Variants in LINC00305 observed in about 807,000 individuals in gnomAD.
The protein encoded by LINC00305 is long intergenic non-protein coding RNA 305.
intron 1 of LINC00305, among the ~76,000 whole-genome samples, chr18:64,124,117 C>G (rs978607015): frequency 1.3e-5 from 2 of 152,142 alleles, no homozygotes; most frequent in East Asian, 3.9e-4. Flanking sequence ...CTAAGAACTA[C>G]CTCTTCCCAA....
chr18:64,092,815 G>A (rs1472554164), intron 3 of LINC00305, among the ~76,000 whole-genome samples: 1 of 152,164 alleles, frequency 6.6e-6, no homozygotes, highest in East Asian at 1.9e-4. Flanking sequence ...AAATATTTAA[G>A]AAATGAGAAG....
At chr18:64,093,868 C>A (rs1371039497) in intron 3 of LINC00305, among the ~76,000 whole-genome samples, 3 of 152,086 alleles carry the variant, frequency 2.0e-5, no homozygotes, top group Non-Finnish European at 4.4e-5. Flanking sequence ...ATGAGAGGTT[C>A]TAGGAAAACC....
chr18:64,106,185 G>A (rs1018808487), intron 1 of LINC00305, among the ~76,000 whole-genome samples: 1 of 152,212 alleles, frequency 6.6e-6, no homozygotes, highest in African/African-American at 2.4e-5. Flanking sequence ...CAATTTGGAA[G>A]TGTTGTGTAT....
chr18:64,096,138 G>A (rs1394826530), intron 3 of LINC00305, among the ~76,000 whole-genome samples: 2 of 151,978 alleles, frequency 1.3e-5, no homozygotes, highest in Non-Finnish European at 2.9e-5. Flanking sequence ...ATAGACTTAA[G>A]AAGCAAGTGC....
At chr18:64,103,833 C>G (rs1364496129) in intron 1 of LINC00305, among the ~76,000 whole-genome samples, 1 of 152,156 alleles carries the variant, frequency 6.6e-6, no homozygotes, top group African/African-American at 2.4e-5. Flanking sequence ...ATACTAGAGT[C>G]AGTGGTGATG....
chr18:64,088,783 G>C, intron 3 of LINC00305, among the ~76,000 whole-genome samples: 1 of 152,316 alleles, frequency 6.6e-6, no homozygotes, highest in South Asian at 2.1e-4. Context: ...AATGGTGGAA[G>C]ACCTCATCAG....
chr18:64,110,490 G>A (rs1205499213), intron 1 of LINC00305, among the ~76,000 whole-genome samples: 1 of 152,178 alleles, frequency 6.6e-6, no homozygotes, highest in Non-Finnish European at 1.5e-5. Flanking sequence ...GTACTATAGA[G>A]GAATAGTAGC....
chr18:64,119,471 G>A (rs79930472), intron 1 of LINC00305, among the ~76,000 whole-genome samples: 320 of 152,206 alleles, frequency 2.1e-3, no homozygotes, highest in Non-Finnish European at 3.7e-3. Context: ...TGCGTATTGA[G>A]TTTCACTAGG....
chr18:64,104,612 C>A (rs1175518672), intron 1 of LINC00305, among the ~76,000 whole-genome samples: 1 of 152,178 alleles, frequency 6.6e-6, no homozygotes, highest in Non-Finnish European at 1.5e-5. Context: ...TATTGTACAG[C>A]AGATTTTGTT....
At chr18:64,098,728 C>T (rs568088814) in intron 1 of LINC00305, 1 of 354,042 alleles carries the variant, frequency 2.8e-6, no homozygotes. Flanking sequence ...GTGTAAAAGT[C>T]CCCCATTCTT....
In LINC00305 at chr18:64,113,764, C is replaced by T. The variant is rs77941334; in HGVS notation, n.315-15124G>A. On this transcript the variant is annotated intron_variant and non_coding_transcript_variant, in intron 1 of 3. Coordinates refer to ENST00000666468, the Ensembl canonical transcript of LINC00305. ...GATGTATAGAGAAGAGATCAATAACCTTGATCTTTGCTGCTGGGTGACCAC... is the reference window on the plus strand; with the variant it reads ...GATGTATAGAGAAGAGATCAATAACTTTGATCTTTGCTGCTGGGTGACCAC... Among the ~76,000 whole-genome samples the T allele has an allele frequency of 2.7e-3, 408 of 152,268 alleles. 3 individuals are homozygous for T. Among genetic ancestry groups the T allele is most frequent in the African/African-American group, 9.3e-3 (387 of 41,568 alleles).
chr18:64,093,220 G>C (rs1471218022), intron 3 of LINC00305, among the ~76,000 whole-genome samples: 1 of 152,122 alleles, frequency 6.6e-6, no homozygotes, highest in East Asian at 1.9e-4. Context: ...AATCAACCAG[G>C]CTACTTTATT....
intron 1 of LINC00305, among the ~76,000 whole-genome samples, chr18:64,137,239 G>T (rs2051439127): frequency 1.3e-5 from 2 of 152,312 alleles, no homozygotes; most frequent in Non-Finnish European, 1.5e-5. Flanking sequence ...ACCACCAGAA[G>T]CTGGAAGAGG....
chr18:64,119,605 C>G (rs1461926452), intron 1 of LINC00305, among the ~76,000 whole-genome samples: 1 of 152,036 alleles, frequency 6.6e-6, no homozygotes, highest in Admixed American at 6.6e-5. Context: ...TAAAATTTGT[C>G]AACAATGCTT....
intron 1 of LINC00305, among the ~76,000 whole-genome samples, chr18:64,143,626 A>ATATGTACATATGTATACATATGTG: frequency 8.6e-6 from 1 of 115,700 alleles, no homozygotes; most frequent in Admixed American, 7.7e-5. Flanking sequence ...ACACATATGT[A>ATATGTACATATGTATACATATGTG]TGTACACGTA....
At chr18:64,138,672 G>A (rs1194928765) in intron 1 of LINC00305, among the ~76,000 whole-genome samples, 1 of 151,856 alleles carries the variant, frequency 6.6e-6, no homozygotes, top group Non-Finnish European at 1.5e-5. Context: ...CATTTTGGGG[G>A]GCCTATTTTT....
intron 2 of LINC00305, among the ~76,000 whole-genome samples, chr18:64,098,209 T>C (rs568818738): frequency 6.6e-6 from 1 of 152,332 alleles, no homozygotes; most frequent in East Asian, 1.9e-4. Flanking sequence ...TAAAAACTAG[T>C]ATTTCAGTTC....
chr18:64,089,065 C>T (rs1032054881), intron 3 of LINC00305, among the ~76,000 whole-genome samples: 2 of 152,074 alleles, frequency 1.3e-5, no homozygotes, highest in African/African-American at 4.8e-5. Context: ...ACAGGTAATT[C>T]CAGAGATAGA....
At chr18:64,096,349 T>C (rs544171354) in intron 3 of LINC00305, among the ~76,000 whole-genome samples, 1 of 152,034 alleles carries the variant, frequency 6.6e-6, no homozygotes, top group South Asian at 2.1e-4. Context: ...TTCTAAAATG[T>C]AAAATTATCA....
Sources: allele counts gnomAD v4.1 joint callset (sites outside exome capture counted in the v4.1 genomes callset), GRCh38; gene constraint gnomAD v4.1.1; transcripts MANE v1.5; gene names NCBI Gene and HGNC (gene_info 2026-07-23, HGNC 2026-07-21).